Variants in ABCC1 observed in about 807,000 individuals in gnomAD.
ABCC1 encodes the protein ATP binding cassette subfamily C member 1 (ABCC1 blood group).
ABCC1 carries 83 observed loss-of-function variants against 172.9 expected under a neutral mutation model. The observed-to-expected ratio is 0.48, with a 90% CI of 0.40 to 0.58. The LOEUF (loss-of-function observed/expected upper bound fraction) is 0.58, where lower values mean the gene tolerates loss of function less well. ABCC1 is among the 20% of genes least tolerant of loss of function. The pLI, the probability that ABCC1 is intolerant of heterozygous loss-of-function variation, is 0.00. For synonymous variants in ABCC1, 937 were observed against 825.2 expected (o/e 1.14, Z -2.32); for missense variants, 1,817 against 2,002.7 (o/e 0.91, Z 1.77).
At chr16:15,986,301 C>T (rs2046742545) in intron 1 of ABCC1, among the ~76,000 whole-genome samples, 1 of 152,190 alleles carries the variant, frequency 6.6e-6, no homozygotes, top group Non-Finnish European at 1.5e-5. Context: ...CCTGTGATTA[C>T]ATTGGGCCCA....
chr16:15,981,526 A>G (rs2046619665), intron 1 of ABCC1, among the ~76,000 whole-genome samples: 1 of 152,194 alleles, frequency 6.6e-6, no homozygotes. Flanking sequence ...CTCTGATGGC[A>G]CAGCCCGAGC....
At chr16:16,047,842 C>T (rs1219661087) in intron 9 of ABCC1, among the ~76,000 whole-genome samples, 2 of 151,376 alleles carry the variant, frequency 1.3e-5, no homozygotes, top group African/African-American at 4.9e-5. Context: ...ACCACTCCCC[C>T]CAGAAAAACC....
intron 29 of ABCC1, among the ~76,000 whole-genome samples, chr16:16,137,322 G>T (rs1410277394): frequency 6.6e-6 from 1 of 152,122 alleles, no homozygotes; most frequent in African/African-American, 2.4e-5. Context: ...GGCAAGAAGG[G>T]TATGTTCCGT....
chr16:16,051,956 T>C (rs929703170), intron 10 of ABCC1, among the ~76,000 whole-genome samples: 2 of 150,840 alleles, frequency 1.3e-5, no homozygotes, highest in Non-Finnish European at 3.0e-5. Flanking sequence ...CTAAGCTGGG[T>C]GTGATGGCTC....
chr16:16,082,566 C>A (rs889670909), intron 16 of ABCC1, among the ~76,000 whole-genome samples: 11 of 152,076 alleles, frequency 7.2e-5, no homozygotes, highest in Non-Finnish European at 1.3e-4. Context: ...GAAATGGATG[C>A]TTGATATAGG....
At chr16:16,005,198 A>G (rs1315651883) in intron 1 of ABCC1, among the ~76,000 whole-genome samples, 3 of 151,654 alleles carry the variant, frequency 2.0e-5, no homozygotes, top group African/African-American at 7.3e-5. Context: ...GAGGGTGCAT[A>G]GGCCAGTAGG....
intron 21 of ABCC1, among the ~76,000 whole-genome samples, chr16:16,111,135 T>A (rs1311356513): frequency 6.6e-6 from 1 of 152,146 alleles, no homozygotes; most frequent in Admixed American, 6.5e-5. Context: ...TCTACCTCAG[T>A]TGATCTGCCC....
At chr16:16,137,853 CTTATTTTTTTTTTATT>C (rs2045975049) in intron 29 of ABCC1, among the ~76,000 whole-genome samples, 1 of 150,070 alleles carries the variant, frequency 6.7e-6, no homozygotes, top group South Asian at 2.1e-4. Context: ...GTGCCCGGCT[CTTATTTTTTTTTTATT>C]TTATTTTTTT....
chr16:16,125,837 C>G lies in ABCC1; in HGVS notation c.3745C>G (p.Arg1249Gly). 1 of 1,613,890 alleles carries G rather than the reference C, an allele frequency of 6.2e-7. No individual in the cohort carries two copies. ...QVTTYLNWLV[R>G]MSSEMETNIV... ...CACCACGTACTTGAACTGGCTGGTT[C>G]GGATGTCATCTGAAATGGAAACCAA... Residue 1249 changes from arginine to glycine, a missense_variant, in exon 26 of 31, where the codon CGG (arginine) becomes GGG (glycine). Arg to Gly is a moderately radical substitution (Grantham distance 125). Coordinates refer to ENST00000399410, the MANE Select transcript of ABCC1 (RefSeq NM_004996.4).
rs1015259132 is a variant in ABCC1, at chr16:16,122,098, G to A, written c.3514G>A (p.Glu1172Lys). ...CGTCATTCGAGCCTTCGAGGAGCAG[G>A]AGCGCTTCATCCACCAGAGTGACCT... Reference protein sequence around the residue: ...VSVIRAFEEQERFIHQSDLKV... With the variant: ...VSVIRAFEEQKRFIHQSDLKV... The change falls in exon 24 of 31, where the codon GAG becomes AAG. Residue 1172 changes from glutamate to lysine, a missense_variant. By Grantham distance (56) the Glu-to-Lys change is moderately conservative. This residue lies in a region of ABCC1 where 1,412 missense variants were observed against 1,600.3 expected (regional missense o/e 0.88). Transcript: ENST00000399410. The A allele has an allele frequency of 1.2e-6, 2 of 1,614,046 alleles. No homozygotes were observed. Among genetic ancestry groups the A allele is most frequent in the African/African-American group, 1.3e-5 (1 of 74,904 alleles).
intron 24 of ABCC1, among the ~76,000 whole-genome samples, chr16:16,124,289 G>T (rs2045305280): frequency 7.2e-6 from 1 of 138,868 alleles, no homozygotes; most frequent in South Asian, 2.4e-4. Flanking sequence ...GAATTTCCAG[G>T]ACATCTTTTT....
At chr16:16,049,006 A>G (rs946156105) in intron 10 of ABCC1, among the ~76,000 whole-genome samples, 2 of 152,086 alleles carry the variant, frequency 1.3e-5, no homozygotes, top group South Asian at 2.1e-4. Context: ...AAAGTAGCCT[A>G]AGTAAATAGA....
rs111209302 is a variant in ABCC1, at chr16:16,003,449, G to A, written c.49-4367G>A. On this transcript the variant is annotated intron_variant, in intron 1 of 30. Coordinates refer to ENST00000399410, the MANE Select transcript of ABCC1 (RefSeq NM_004996.4). Reference sequence around the variant, plus strand: ...GGATGGGTGAATGAATTGGTAGGTGGGTAGGGTGGATGGGTGAATTAGTGG... The same window carrying A: ...GGATGGGTGAATGAATTGGTAGGTGAGTAGGGTGGATGGGTGAATTAGTGG... Among the ~76,000 whole-genome samples the A allele has an allele frequency of 1.7e-3, 211 of 125,504 alleles. 18 individuals carry two copies. The highest frequency in any genetic ancestry group is 6.4e-3 in the African/African-American group (188 of 29,248). 82.3% of individuals were successfully genotyped at this position (125,504 alleles called of 152,430 possible). A position where few individuals can be genotyped will look rare whatever the true frequency, so the allele number is the denominator to read the frequency against.
chr16:15,958,599 C>G (rs1158196059), intron 1 of ABCC1, among the ~76,000 whole-genome samples: 2 of 152,162 alleles, frequency 1.3e-5, no homozygotes, highest in South Asian at 4.1e-4. Context: ...ATGATCAGCT[C>G]TTAGTGTGGT....
At chr16:15,966,427 T>C (rs1362855002) in intron 1 of ABCC1, among the ~76,000 whole-genome samples, 1 of 121,808 alleles carries the variant, frequency 8.2e-6, no homozygotes, top group Non-Finnish European at 1.8e-5. Flanking sequence ...AAAAAAAAAG[T>C]CAGGCTTTTC....
At chr16:16,103,772 C>A (rs1224169455) in intron 20 of ABCC1, among the ~76,000 whole-genome samples, 1 of 152,168 alleles carries the variant, frequency 6.6e-6, no homozygotes, top group Non-Finnish European at 1.5e-5. Context: ...CAGACAAACA[C>A]TTCGTAGATG....
chr16:16,077,088 G>A (rs1445982188), intron 15 of ABCC1, among the ~76,000 whole-genome samples: 1 of 152,140 alleles, frequency 6.6e-6, no homozygotes, highest in Non-Finnish European at 1.5e-5. Context: ...CTAGGAAATT[G>A]ACCTTATCCC....
At chr16:16,115,342 A>C (rs1447587040) in intron 23 of ABCC1, among the ~76,000 whole-genome samples, 1 of 152,160 alleles carries the variant, frequency 6.6e-6, no homozygotes, top group Non-Finnish European at 1.5e-5. Context: ...TATAAAGACA[A>C]CTTCATTATT....
At chr16:16,087,227 A>G (rs2051045208) in intron 18 of ABCC1, among the ~76,000 whole-genome samples, 1 of 152,170 alleles carries the variant, frequency 6.6e-6, no homozygotes, top group Non-Finnish European at 1.5e-5. Flanking sequence ...TCCATGGCCA[A>G]GGGAGGCCTC....
Sources: allele counts gnomAD v4.1 joint callset (sites outside exome capture counted in the v4.1 genomes callset), GRCh38; gene constraint gnomAD v4.1.1; regional missense constraint gnomAD v4.1.1; transcripts MANE v1.5; gene names NCBI Gene and HGNC (gene_info 2026-07-23, HGNC 2026-07-21).